Variants in METTL8 observed in about 807,000 individuals in gnomAD.
METTL8 encodes tRNA N(3)-cytidine methyltransferase METTL8, mitochondrial.
In METTL8, 32 loss-of-function variants were observed where a neutral mutation model predicts 48.7. The observed-to-expected ratio is 0.66, with a 90% confidence interval of 0.50 to 0.88. METTL8 has a LOEUF of 0.88. Ranked by LOEUF, METTL8 falls within the 40% of genes least tolerant of loss-of-function variation. The probability of loss-of-function intolerance (pLI) is 0.00; values close to 1 mark genes in which losing one functional copy is unlikely to be tolerated. For synonymous variants in METTL8, 136 were observed against 157.1 expected (o/e 0.87, Z 1.01); for missense variants, 464 against 474.4 (o/e 0.98, Z 0.20).
chr2:171,393,393 G>A (rs571125242), intron 1 of METTL8, among the ~76,000 whole-genome samples: 2 of 102,814 alleles, frequency 1.9e-5, no homozygotes, highest in African/African-American at 7.9e-5. Flanking sequence ...GCAAGACTCT[G>A]TCTTATAAAA....
At position 171,355,595 on chromosome 2, in the gene METTL8, T is replaced by C. The variant is rs191863093; in HGVS notation, c.235+4827A>G. Among the ~76,000 whole-genome samples the C allele has an allele frequency of 1.6e-3, 241 of 152,342 alleles. 4 individuals are homozygous for C. The highest frequency in any genetic ancestry group is 0.015 in the East Asian group (78 of 5,186). On this transcript the variant is annotated intron_variant, in intron 3 of 9. Coordinates refer to ENST00000375258, the MANE Select transcript of METTL8 (RefSeq NM_001321154.2). The stretch of plus-strand genomic sequence containing the variant: ...AGTCTACAGAGGCAGGCAGGCCTCC[T>C]TGAGCTGTGGTGGGCTACACCCAGT...
chr2:171,427,719 C>A (rs945161947), intron 1 of METTL8, among the ~76,000 whole-genome samples: 2 of 152,196 alleles, frequency 1.3e-5, no homozygotes, highest in Admixed American at 1.3e-4. Context: ...CCCTCCAGCA[C>A]ATCACCCTGT....
At position 171,325,826 on chromosome 2, in the gene METTL8, T is replaced by C. The variant is rs1246313377; in HGVS notation, c.1033+15A>G. ...ACGATTATGACCAATTATTTCCTTT[T>C]GTAGATTAGCATACCTTTTGTAAAG... is the stretch of plus-strand genomic sequence containing the variant. On this transcript the variant is annotated intron_variant, in intron 9 of 9. Coordinates refer to ENST00000375258, the MANE Select transcript of METTL8 (RefSeq NM_001321154.2). 6.7e-7 allele frequency: 1 copy of C among 1,481,906 alleles called. No homozygotes were observed. The highest frequency in any genetic ancestry group is 1.4e-5 in the African/African-American group (1 of 71,438). The allele number at this position is 1,481,906 out of a possible 1,614,324, so 91.8% of individuals were successfully genotyped here.
rs565588084 is a variant in METTL8 at position 171,337,522 on chromosome 2, C to G, written c.607-20G>C. 1.3e-6 allele frequency: 2 copies of G among 1,585,166 alleles called. No individual in the cohort carries two copies. Among genetic ancestry groups the G allele is most frequent in the Admixed American group, 1.8e-5 (1 of 55,360 alleles). On this transcript the variant is annotated intron_variant, in intron 4 of 9. Transcript: ENST00000375258. ...ACCAACCTAAAATCAAAAGAACAAGCAAATATCAAAAAAAGCAAGGTTAAA... is the reference window on the plus strand; with the variant it reads ...ACCAACCTAAAATCAAAAGAACAAGGAAATATCAAAAAAAGCAAGGTTAAA...
chr2:171,400,528 C>T (rs1454318358), intron 1 of METTL8, among the ~76,000 whole-genome samples: 1 of 152,116 alleles, frequency 6.6e-6, no homozygotes, highest in Non-Finnish European at 1.5e-5. Flanking sequence ...AGTCAGCAGT[C>T]CCCAGATTTA....
intron 1 of METTL8, among the ~76,000 whole-genome samples, chr2:171,406,590 G>T (rs561761769): frequency 2.6e-5 from 4 of 152,250 alleles, no homozygotes; most frequent in African/African-American, 7.2e-5. Flanking sequence ...CAGTTCTATT[G>T]AATTAGGGCC....
At chr2:171,350,062 A>G (rs1683721345) in intron 3 of METTL8, among the ~76,000 whole-genome samples, 2 of 152,232 alleles carry the variant, frequency 1.3e-5, no homozygotes, top group South Asian at 2.1e-4. Context: ...TGCTGCACCC[A>G]TTAACTCGTC....
intron 1 of METTL8, among the ~76,000 whole-genome samples, chr2:171,405,030 A>C (rs776144387): frequency 2.0e-5 from 3 of 152,204 alleles, no homozygotes; most frequent in Non-Finnish European, 4.4e-5. Context: ...TCTGGCTTGC[A>C]TGGCTGAGTA....
At chr2:171,420,621 C>T (rs1026101390) in intron 1 of METTL8, among the ~76,000 whole-genome samples, 4 of 152,130 alleles carry the variant, frequency 2.6e-5, no homozygotes, top group African/African-American at 7.2e-5. Flanking sequence ...ACCAAAAGCT[C>T]GCAAAAGTCC....
chr2:171,344,210 C>T (rs1422940781), intron 3 of METTL8, among the ~76,000 whole-genome samples: 1 of 152,136 alleles, frequency 6.6e-6, no homozygotes, highest in Admixed American at 6.5e-5. Context: ...CCATTTAATC[C>T]TAGCAGTATC....
In METTL8 at chr2:171,361,253, C is replaced by CTT. The variant is rs67676770; in HGVS notation, c.144-742_144-741dup. Among the ~76,000 whole-genome samples the CTT allele has an allele frequency of 3.3e-3, 480 of 143,472 alleles. 1 individual carries two copies. Among genetic ancestry groups the CTT allele is most frequent in the East Asian group, 4.7e-3 (24 of 5,074 alleles). The allele number at this position is 143,472 out of a possible 152,430, so 94.1% of individuals were successfully genotyped here. ...TTAAGTTTTGTTTTCACAAAGTTTG[C>CTT]TTTTTTTTTTTTGCAATAGGTTAGA... On this transcript the variant is annotated intron_variant, in intron 2 of 9. Coordinates refer to ENST00000375258, the MANE Select transcript of METTL8 (RefSeq NM_001321154.2).
intron 7 of METTL8, 127 bp downstream of exon 7, chr2:171,330,432 G>T: frequency 1.2e-6 from 1 of 858,420 alleles, no homozygotes; most frequent in Non-Finnish European, 1.8e-6. Context: ...AAAAGGCTGT[G>T]TATTATACAT....
Position 171,322,292 on chromosome 2 carries a change from C to T in METTL8, c.*1880G>A, listed in dbSNP as rs1684562965. The T allele has an allele frequency of 6.6e-6, 1 of 151,852 alleles. No individual in the cohort carries two copies. The highest frequency in any genetic ancestry group is 2.4e-5 in the African/African-American group (1 of 41,334). 9.4% of individuals were successfully genotyped at this position (151,852 alleles called of 1,614,324 possible). A position where few individuals can be genotyped will look rare whatever the true frequency, so the allele number is the denominator to read the frequency against. On this transcript the variant is annotated 3_prime_UTR_variant, in exon 10 of 10. Transcript: ENST00000375258. ...AGGGGATAAATACATTTTTAACTGCCACAATTTAAGAATTCTCTTGGGTAT... is the reference window on the plus strand; with the variant it reads ...AGGGGATAAATACATTTTTAACTGCTACAATTTAAGAATTCTCTTGGGTAT...
intron 2 of METTL8, among the ~76,000 whole-genome samples, chr2:171,365,479 C>T (rs1485028738): frequency 6.6e-6 from 1 of 152,158 alleles, no homozygotes; most frequent in African/African-American, 2.4e-5. Context: ...AGGCCGAGAG[C>T]TCAGGGCCGT....
At chr2:171,360,539 A>G (rs1335843206) in intron 2 of METTL8, 26 bp from the exon 3 acceptor site, 1 of 1,592,708 alleles carries the variant, frequency 6.3e-7, no homozygotes, top group Admixed American at 1.7e-5. Context: ...AGACTGTAAA[A>G]TATGCTTTAT....
intron 1 of METTL8, among the ~76,000 whole-genome samples, chr2:171,421,376 C>T (rs1469751858): frequency 1.3e-5 from 2 of 152,038 alleles, no homozygotes; most frequent in Admixed American, 6.6e-5. Context: ...GAGTTTGAGG[C>T]TTTAATGCAC....
chr2:171,353,717 T>C (rs928425413), intron 3 of METTL8, among the ~76,000 whole-genome samples: 4 of 152,208 alleles, frequency 2.6e-5, no homozygotes, highest in Admixed American at 2.0e-4. Context: ...CATCATGTAA[T>C]GGCCTTTGTC....
intron 3 of METTL8, among the ~76,000 whole-genome samples, chr2:171,351,589 C>T (rs987315502): frequency 6.6e-6 from 1 of 152,182 alleles, no homozygotes; most frequent in Non-Finnish European, 1.5e-5. Flanking sequence ...TTCTTCCTAT[C>T]CATGAGCATG....
chr2:171,329,960 C>T (rs1685349513), intron 7 of METTL8, among the ~76,000 whole-genome samples: 2 of 152,172 alleles, frequency 1.3e-5, no homozygotes, highest in African/African-American at 2.4e-5. Flanking sequence ...TATGTTTTCT[C>T]TCTGGAGAAA....
Sources: allele counts gnomAD v4.1 joint callset (sites outside exome capture counted in the v4.1 genomes callset), GRCh38; gene constraint gnomAD v4.1.1; transcripts MANE v1.5; gene names NCBI Gene and HGNC (gene_info 2026-07-23, HGNC 2026-07-21).